The following GBE1 variants were observed in gnomAD, a reference collection of about 807,000 sequenced individuals.
GBE1 encodes the protein 1,4-alpha-glucan-branching enzyme.
A neutral mutation model predicts 88.8 loss-of-function variants in GBE1; 70 were observed. The ratio of observed to expected loss-of-function variants is 0.79; its 90% CI spans 0.65 to 0.96. GBE1 has a LOEUF of 0.96. Ranked by LOEUF, GBE1 falls within the 40% of genes least tolerant of loss-of-function variation. The probability of loss-of-function intolerance (pLI) is 0.00; values close to 1 mark genes in which losing one functional copy is unlikely to be tolerated. For missense variants in GBE1, 872 were observed against 871.0 expected, an observed-to-expected ratio of 1.00 and a Z score of -0.01; for synonymous variants, 284 against 300.1, an observed-to-expected ratio of 0.95 and a Z score of 0.56.
intron 7 of GBE1, among the ~76,000 whole-genome samples, chr3:81,609,882 A>G (rs1462452552): frequency 1.3e-5 from 2 of 152,200 alleles, no homozygotes; most frequent in African/African-American, 4.8e-5. Flanking sequence ...GTAGAGCTCA[A>G]ATTTGGCACT....
chr3:81,731,855 T>G (rs946607316), intron 1 of GBE1, among the ~76,000 whole-genome samples: 3 of 152,144 alleles, frequency 2.0e-5, no homozygotes, highest in Admixed American at 6.6e-5. Context: ...AAACTTCTTT[T>G]ATTTACAAGT....
chr3:81,535,077 G>T (rs1703056708), intron 14 of GBE1, 118 bp downstream of exon 14: 3 of 921,690 alleles, frequency 3.3e-6, no homozygotes, highest in African/African-American at 3.4e-5. Context: ...TTTTTCAGAT[G>T]AGGAAAATGA....
chr3:81,582,943 G>C (rs1703754559), intron 10 of GBE1, among the ~76,000 whole-genome samples: 1 of 151,908 alleles, frequency 6.6e-6, no homozygotes, highest in African/African-American at 2.4e-5. Flanking sequence ...GAAAGAACAA[G>C]CATCAGACTA....
chr3:81,687,089 C>T (rs1283627836), intron 2 of GBE1, among the ~76,000 whole-genome samples: 4 of 152,144 alleles, frequency 2.6e-5, no homozygotes, highest in Non-Finnish European at 5.9e-5. Flanking sequence ...CAATCAGATC[C>T]AGGAGTGGAT....
chr3:81,686,125 T>TA lies in GBE1; in HGVS notation c.314-15173_314-15172insT, dbSNP rs200886093. ...GAAGATGGGGATGAAAACGAAGGAG[T>TA]GCATTTGAAAGCTACTTCCTTGGTA... is the stretch of plus-strand genomic sequence containing the variant. On this transcript the variant is annotated intron_variant, in intron 2 of 15. Transcript: ENST00000429644. Among the ~76,000 whole-genome samples, 864 of 152,202 alleles carry TA rather than the reference T, an allele frequency of 5.7e-3. 13 individuals carry two copies. Among genetic ancestry groups the TA allele is most frequent in the African/African-American group, 0.019 (791 of 41,542 alleles).
rs866014939 is a variant in GBE1 at position 81,490,493 on chromosome 3, T to C, written c.2053-30A>G. Reference sequence around the variant, plus strand: ...GTCAAAACAATTATGTCAGTGCAATTGAAGAAAGTACCAAACGGCCTGTCA... The same window carrying C: ...GTCAAAACAATTATGTCAGTGCAATCGAAGAAAGTACCAAACGGCCTGTCA... On this transcript the variant is annotated intron_variant, in intron 15 of 15. Transcript: ENST00000429644. 5.1e-6 allele frequency: 8 copies of C among 1,574,464 alleles called. No homozygotes were observed. In the Middle Eastern group the frequency reaches 8.4e-4, roughly 165 times the overall value.
At chr3:81,532,162 G>C (rs1018475416) in intron 14 of GBE1, among the ~76,000 whole-genome samples, 1 of 151,800 alleles carries the variant, frequency 6.6e-6, no homozygotes, top group Non-Finnish European at 1.5e-5. Context: ...CTCTTTGCTT[G>C]AAATAATGTT....
chr3:81,737,307 A>ATATT (rs1156748972), intron 1 of GBE1, among the ~76,000 whole-genome samples: 1 of 99,220 alleles, frequency 1.0e-5, no homozygotes, highest in African/African-American at 4.7e-5. Context: ...ATATAAATAT[A>ATATT]TATTTATATA....
At chr3:81,510,382 C>CT (rs1702708893) in intron 14 of GBE1, among the ~76,000 whole-genome samples, 1 of 152,062 alleles carries the variant, frequency 6.6e-6, no homozygotes, top group African/African-American at 2.4e-5. Flanking sequence ...TCCTCTTTCT[C>CT]TTTTAAGACT....
chr3:81,545,707 T>A (rs1703197633), intron 12 of GBE1, among the ~76,000 whole-genome samples: 1 of 152,124 alleles, frequency 6.6e-6, no homozygotes, highest in Non-Finnish European at 1.5e-5. Flanking sequence ...ATGGTTTCAG[T>A]TACCCATGGT....
chr3:81,640,625 A>AAT (rs758888543), intron 7 of GBE1, among the ~76,000 whole-genome samples: 2,346 of 150,910 alleles, frequency 0.016, 64 homozygotes, highest in African/African-American at 0.053. Flanking sequence ...TTCATATATA[A>AAT]ATATATATAT....
At chr3:81,503,020 C>A (rs1702609255) in intron 14 of GBE1, among the ~76,000 whole-genome samples, 1 of 152,100 alleles carries the variant, frequency 6.6e-6, no homozygotes, top group Non-Finnish European at 1.5e-5. Context: ...CCCAATTTCC[C>A]AATAAAACTT....
chr3:81,665,885 C>CTCAAGAAAGCATATTTAATTGTATG, intron 3 of GBE1, among the ~76,000 whole-genome samples: 1 of 152,066 alleles, frequency 6.6e-6, no homozygotes, highest in East Asian at 1.9e-4. Context: ...GATTTTAATA[C>CTCAAGAAAGCATATTTAATTGTATG]CTCAAGAAAG....
chr3:81,747,750 T>C (rs1706437382), intron 1 of GBE1, among the ~76,000 whole-genome samples: 1 of 152,178 alleles, frequency 6.6e-6, no homozygotes, highest in African/African-American at 2.4e-5. Context: ...TTCCTTCTCC[T>C]GGCTCAGAAG....
chr3:81,507,166 T>C lies in GBE1; in HGVS notation c.1935-7939A>G, dbSNP rs146105233. ...TATGATTATATTTCTTTCAATGGAA[T>C]ATCCAGTTAGTTTTTTTTTTAATCT... On this transcript the variant is annotated intron_variant, in intron 14 of 15. Transcript: ENST00000429644. 4.5e-4 allele frequency among the ~76,000 whole-genome samples: 68 copies of C among 152,202 alleles called. No individual in the cohort carries two copies. The East Asian group carries it at 0.011, about 25-fold the overall frequency.
chr3:81,588,652 C>G (rs1263630899), intron 9 of GBE1, among the ~76,000 whole-genome samples: 2 of 152,148 alleles, frequency 1.3e-5, no homozygotes, highest in Non-Finnish European at 2.9e-5. Flanking sequence ...TATCAAAGAA[C>G]TGAAGCTCAC....
At chr3:81,736,106 C>T (rs957256643) in intron 1 of GBE1, among the ~76,000 whole-genome samples, 1 of 152,100 alleles carries the variant, frequency 6.6e-6, no homozygotes, top group African/African-American at 2.4e-5. Flanking sequence ...GCAGCATATC[C>T]CAGTAAGATT....
chr3:81,686,677 AC>A (rs1705446425), intron 2 of GBE1, among the ~76,000 whole-genome samples: 1 of 151,958 alleles, frequency 6.6e-6, no homozygotes, highest in Non-Finnish European at 1.5e-5. Context: ...ATCGCTTGAA[AC>A]TGGGAGGCAG....
intron 14 of GBE1, among the ~76,000 whole-genome samples, chr3:81,515,067 T>C (rs1702779166): frequency 6.6e-6 from 1 of 151,630 alleles, no homozygotes; most frequent in South Asian, 2.1e-4. Context: ...AAAGGCTCAA[T>C]GTGAAATCTT....
Sources: allele counts gnomAD v4.1 joint callset (sites outside exome capture counted in the v4.1 genomes callset), GRCh38; gene constraint gnomAD v4.1.1; transcripts MANE v1.5; gene names NCBI Gene and HGNC (gene_info 2026-07-23, HGNC 2026-07-21).